Variants in TMEFF2 observed in about 807,000 individuals in gnomAD.
The protein encoded by TMEFF2 is tomoregulin-2.
Under a neutral mutation model 53.8 loss-of-function variants are expected in TMEFF2, and 28 were observed. That is an observed-to-expected ratio of 0.52 (90% CI 0.39 to 0.71). TMEFF2 has a LOEUF of 0.71. TMEFF2 is among the 30% of genes least tolerant of loss of function. TMEFF2 has a pLI of 0.00. For synonymous variants in TMEFF2, 162 were observed against 166.3 expected (o/e 0.97, Z 0.20); for missense variants, 353 against 455.2 (o/e 0.78, Z 2.04).
chr2:192,161,404 C>T (rs555133256), intron 4 of TMEFF2, among the ~76,000 whole-genome samples: 38 of 152,212 alleles, frequency 2.5e-4, no homozygotes, highest in African/African-American at 3.6e-4. Context: ...CTGCCCTCCT[C>T]GGCCTCCCAA....
chr2:191,976,209 A>G (rs1278290564), intron 7 of TMEFF2, among the ~76,000 whole-genome samples: 2 of 152,172 alleles, frequency 1.3e-5, no homozygotes, highest in Admixed American at 6.5e-5. Flanking sequence ...ATCAAGTCAA[A>G]TACTCCTCTG....
intron 5 of TMEFF2, among the ~76,000 whole-genome samples, chr2:192,052,551 C>T (rs1020581738): frequency 6.6e-6 from 1 of 152,174 alleles, no homozygotes; most frequent in Non-Finnish European, 1.5e-5. Context: ...TTGCTGAAAT[C>T]ATAAGTTGGT....
Position 191,950,051 on chromosome 2 carries a change from C to T in TMEFF2, c.*260G>A. The T allele has an allele frequency of 8.5e-7, 1 of 1,175,084 alleles. No individual in the cohort carries two copies. Among genetic ancestry groups the T allele is most frequent in the Non-Finnish European group, 1.1e-6 (1 of 942,110 alleles). The allele number at this position is 1,175,084 out of a possible 1,614,324, so 72.8% of individuals were successfully genotyped here. ...ATCACTGAGTATTTATTATATATAA[C>T]AAATACATGGGAAAGAAAAAACTAT... On this transcript the variant is annotated 3_prime_UTR_variant, in exon 10 of 10. Coordinates refer to ENST00000272771, the MANE Select transcript of TMEFF2 (RefSeq NM_016192.4).
chr2:192,111,440 G>C (rs1689274051), intron 4 of TMEFF2, among the ~76,000 whole-genome samples: 1 of 152,138 alleles, frequency 6.6e-6, no homozygotes, highest in South Asian at 2.1e-4. Context: ...GTGGGACTTT[G>C]AACTTGAGGG....
chr2:192,021,460 A>G (rs886893396), intron 5 of TMEFF2, among the ~76,000 whole-genome samples: 9 of 152,202 alleles, frequency 5.9e-5, no homozygotes, highest in African/African-American at 1.2e-4. Flanking sequence ...TTATCTTTCA[A>G]AGCAGACTCT....
intron 5 of TMEFF2, among the ~76,000 whole-genome samples, chr2:192,046,320 T>C (rs1687620115): frequency 6.6e-6 from 1 of 151,946 alleles, no homozygotes; most frequent in Admixed American, 6.6e-5. Context: ...ATCAAGATCA[T>C]GCCGCTGCAC....
intron 4 of TMEFF2, among the ~76,000 whole-genome samples, chr2:192,089,858 C>T (rs888161748): frequency 6.6e-6 from 1 of 152,150 alleles, no homozygotes; most frequent in Non-Finnish European, 1.5e-5. Context: ...AGCACAATGT[C>T]TGGAGCACAG....
intron 4 of TMEFF2, among the ~76,000 whole-genome samples, chr2:192,147,872 AT>A (rs1442079157): frequency 6.6e-6 from 1 of 151,996 alleles, no homozygotes; most frequent in Non-Finnish European, 1.5e-5. Context: ...ACAGTAGTGT[AT>A]TAACATCTGT....
chr2:192,179,436 A>G, intron 4 of TMEFF2: 1 of 405,052 alleles, frequency 2.5e-6, no homozygotes, highest in Non-Finnish European at 4.5e-6. Context: ...AAACAAACAA[A>G]CAAATGAACA....
At chr2:191,976,507 G>A (rs543242979) in intron 7 of TMEFF2, among the ~76,000 whole-genome samples, 28 of 152,340 alleles carry the variant, frequency 1.8e-4, no homozygotes, top group African/African-American at 6.5e-4. Context: ...ATATCCATCT[G>A]TGGAGAAATG....
intron 4 of TMEFF2, among the ~76,000 whole-genome samples, chr2:192,159,289 G>C (rs914560155): frequency 6.6e-6 from 1 of 152,220 alleles, no homozygotes; most frequent in East Asian, 1.9e-4. Context: ...GATCAAGGCC[G>C]AAGGATAGCA....
chr2:191,967,558 G>T (rs1692505092), intron 7 of TMEFF2, among the ~76,000 whole-genome samples: 3 of 152,100 alleles, frequency 2.0e-5, no homozygotes, highest in Admixed American at 1.3e-4. Flanking sequence ...GAGGGGCCTG[G>T]ATCTGTCTTT....
At chr2:191,974,949 T>C (rs1685669293) in intron 7 of TMEFF2, among the ~76,000 whole-genome samples, 1 of 151,938 alleles carries the variant, frequency 6.6e-6, no homozygotes, top group African/African-American at 2.4e-5. Context: ...GCACAAAGAC[T>C]CAGGTTACAA....
At chr2:191,972,566 CAG>C (rs1485742174) in intron 7 of TMEFF2, among the ~76,000 whole-genome samples, 1 of 151,880 alleles carries the variant, frequency 6.6e-6, no homozygotes, top group Non-Finnish European at 1.5e-5. Flanking sequence ...GGAGAGCAAA[CAG>C]GAGACCAGTA....
intron 4 of TMEFF2, among the ~76,000 whole-genome samples, chr2:192,065,018 A>G (rs1294595124): frequency 6.6e-6 from 1 of 151,876 alleles, no homozygotes; most frequent in Non-Finnish European, 1.5e-5. Flanking sequence ...TTCTAAGGAA[A>G]TAAATATTTT....
chr2:192,115,693 A>G (rs1689388119), intron 4 of TMEFF2, among the ~76,000 whole-genome samples: 1 of 152,044 alleles, frequency 6.6e-6, no homozygotes, highest in South Asian at 2.1e-4. Flanking sequence ...AAAGGCCATC[A>G]TTTATTCGAA....
At position 191,950,219 on chromosome 2, in the gene TMEFF2, T is replaced by G; in HGVS notation, c.*92A>C. The G allele has an allele frequency of 6.4e-7, 1 of 1,568,244 alleles. No homozygotes were observed. Among genetic ancestry groups the G allele is most frequent in the Non-Finnish European group, 8.6e-7 (1 of 1,158,378 alleles). On this transcript the variant is annotated 3_prime_UTR_variant, in exon 10 of 10. Coordinates refer to ENST00000272771, the MANE Select transcript of TMEFF2 (RefSeq NM_016192.4). The stretch of plus-strand genomic sequence containing the variant: ...AGATTACCACAAATGCAAGGCAACA[T>G]GTGTAGATCTCTTGTCTTATTCTTT...
intron 2 of TMEFF2, among the ~76,000 whole-genome samples, chr2:192,191,005 T>G (rs1464993351): frequency 6.6e-6 from 1 of 152,164 alleles, no homozygotes; most frequent in Non-Finnish European, 1.5e-5. Context: ...TAAAAGTAAC[T>G]TAAAATACTC....
chr2:192,116,294 G>A (rs72918147), intron 4 of TMEFF2, among the ~76,000 whole-genome samples: 64,547 of 151,790 alleles, frequency 0.43, 13,947 homozygotes, highest in South Asian at 0.49. Flanking sequence ...CATGGAAACT[G>A]AGAGCAGAGT....
Sources: gnomAD v4.1 joint callset for allele counts (sites outside exome capture counted in the v4.1 genomes callset) on GRCh38, gnomAD v4.1.1 for gene constraint, MANE v1.5 for transcripts, NCBI Gene and HGNC (gene_info 2026-07-23, HGNC 2026-07-21) for gene names.